The following TSPAN9 variants were observed in gnomAD, a reference collection of about 807,000 sequenced individuals.
The protein encoded by TSPAN9 is tetraspanin-9.
TSPAN9 carries 16 observed loss-of-function variants against 31.0 expected under a neutral mutation model. The ratio of observed to expected loss-of-function variants is 0.52; its 90% CI spans 0.35 to 0.78. The LOEUF (loss-of-function observed/expected upper bound fraction) is 0.78. TSPAN9 is among the 30% of genes least tolerant of loss of function. The pLI, the probability that TSPAN9 is intolerant of heterozygous loss-of-function variation, is 0.01. For synonymous variants in TSPAN9, 145 were observed against 121.6 expected, an observed-to-expected ratio of 1.19 and a Z score of -1.27; for missense variants, 272 against 312.5, an observed-to-expected ratio of 0.87 and a Z score of 0.98.
chr12:3,198,425 CTCACCACCAGCACAGG>C (rs2098368634), intron 2 of TSPAN9, among the ~76,000 whole-genome samples: 1 of 38,658 alleles, frequency 2.6e-5, no homozygotes, highest in Non-Finnish European at 6.3e-5. Flanking sequence ...ACCAGCACAG[CTCACCACCAGCACAGG>C]TCACACCAGC....
chr12:3,111,627 A>C (rs1372047837), intron 2 of TSPAN9, among the ~76,000 whole-genome samples: 1 of 116,570 alleles, frequency 8.6e-6, no homozygotes, highest in African/African-American at 3.3e-5. Context: ...TTTTTTTTTG[A>C]GACAGAGACA....
At chr12:3,116,757 G>A (rs532897465) in intron 2 of TSPAN9, among the ~76,000 whole-genome samples, 2 of 152,292 alleles carry the variant, frequency 1.3e-5, no homozygotes, top group South Asian at 2.1e-4. Flanking sequence ...GGGAGCGCGC[G>A]CCTGCCCTGT....
intron 2 of TSPAN9, among the ~76,000 whole-genome samples, chr12:3,103,057 G>A (rs2098312595): frequency 1.3e-5 from 2 of 152,190 alleles, no homozygotes; most frequent in South Asian, 4.1e-4. Context: ...CTCCCTTGGG[G>A]GATGTCAAGA....
chr12:3,243,779 G>A (rs1418148979), intron 3 of TSPAN9, among the ~76,000 whole-genome samples: 14 of 152,314 alleles, frequency 9.2e-5, no homozygotes, highest in African/African-American at 3.4e-4. Flanking sequence ...CCTCTGATAT[G>A]GGGTGTCAGG....
At chr12:3,255,093 A>G (rs1862320952) in intron 3 of TSPAN9, among the ~76,000 whole-genome samples, 1 of 152,204 alleles carries the variant, frequency 6.6e-6, no homozygotes, top group East Asian at 1.9e-4. Context: ...CCAGAGCCCA[A>G]AATAGCAATG....
Position 3,286,308 on chromosome 12 carries a change from T to C in TSPAN9, c.*3192T>C, listed in dbSNP as rs1863015610. ...ACTGCAGTGAGTCAATAGTCCAGGG[T>C]GGGGCCTGGCCTCCCTGCCCTGATT... On this transcript the variant is annotated 3_prime_UTR_variant, in exon 9 of 9. Transcript: ENST00000011898. This position sits in a 1 kb window ranked among gnomAD's most constrained non-coding sequence, Gnocchi z 4.1. 1 of 152,436 alleles carries C rather than the reference T, an allele frequency of 6.6e-6. No homozygotes were observed. The highest frequency in any genetic ancestry group is 1.5e-5 in the Non-Finnish European group (1 of 68,016). The allele number at this position is 152,436 out of a possible 1,614,324, so 9.4% of individuals were successfully genotyped here. A position where few individuals can be genotyped will look rare whatever the true frequency, so the allele number is the denominator to read the frequency against.
At chr12:3,155,128 C>T (rs964478924) in intron 2 of TSPAN9, among the ~76,000 whole-genome samples, 3 of 152,078 alleles carry the variant, frequency 2.0e-5, no homozygotes, top group Admixed American at 6.5e-5. Flanking sequence ...AAACGTGATG[C>T]GGACCAAATA....
At chr12:3,185,823 T>G (rs558998063) in intron 2 of TSPAN9, among the ~76,000 whole-genome samples, 95 of 152,204 alleles carry the variant, frequency 6.2e-4, no homozygotes, top group African/African-American at 2.2e-3. Context: ...GGGGAATGGA[T>G]GTAGCTGGAG....
In TSPAN9 at chr12:3,183,299, C is replaced by T. The variant is rs192751879; in HGVS notation, c.-17-17878C>T. On this transcript the variant is annotated intron_variant, in intron 2 of 8. Coordinates refer to ENST00000011898, the MANE Select transcript of TSPAN9 (RefSeq NM_006675.5). Reference sequence around the variant, plus strand: ...GGATTTAGGCAGATCTGAGATCTGTCCCCTCTCAAAGTGGGGAGGGGAGAT... The same window carrying T: ...GGATTTAGGCAGATCTGAGATCTGTTCCCTCTCAAAGTGGGGAGGGGAGAT... Among the ~76,000 whole-genome samples, 186 of 152,310 alleles carry T rather than the reference C, an allele frequency of 1.2e-3. 2 individuals carry two copies. Among genetic ancestry groups the T allele is most frequent in the African/African-American group, 4.4e-3 (181 of 41,568 alleles).
rs1565622380 is a variant in TSPAN9 at position 3,226,736 on chromosome 12, GTGTGTGTGTATATATATATATATATATA to G, written c.63+25482_63+25509del. 7.1e-3 allele frequency among the ~76,000 whole-genome samples: 79 copies of G among 11,084 alleles called. 9 individuals are homozygous for G. Among genetic ancestry groups the G allele is most frequent in the East Asian group, 0.028 (7 of 254 alleles). The allele number at this position is 11,084 out of a possible 152,430, so 7.3% of individuals were successfully genotyped here. ...TGTATGTATGTGTGTGTGTGTGTGT[GTGTGTGTGTATATATATATATATATATA>G]TATATATATATATATATATATATAT... On this transcript the variant is annotated intron_variant, in intron 3 of 8. Coordinates refer to ENST00000011898, the MANE Select transcript of TSPAN9 (RefSeq NM_006675.5).
intron 2 of TSPAN9, among the ~76,000 whole-genome samples, chr12:3,176,677 C>G: frequency 6.6e-6 from 1 of 152,238 alleles, no homozygotes; most frequent in African/African-American, 2.4e-5. Flanking sequence ...AGACTCTATT[C>G]TGGGCCCTCG....
At chr12:3,244,218 C>T (rs887317569) in intron 3 of TSPAN9, among the ~76,000 whole-genome samples, 7 of 152,186 alleles carry the variant, frequency 4.6e-5, no homozygotes, top group Non-Finnish European at 8.8e-5. Context: ...GACTCTTGTC[C>T]CCTCCCCAAG....
intron 3 of TSPAN9, among the ~76,000 whole-genome samples, chr12:3,265,404 G>A (rs898642790): frequency 6.6e-6 from 1 of 152,122 alleles, no homozygotes; most frequent in Non-Finnish European, 1.5e-5. Flanking sequence ...ACATGAAAGC[G>A]CCCTCTGGAA....
intron 2 of TSPAN9, among the ~76,000 whole-genome samples, chr12:3,119,016 G>A (rs913593201): frequency 4.7e-5 from 7 of 149,564 alleles, no homozygotes; most frequent in Admixed American, 2.0e-4. Context: ...ATGGAGCTTA[G>A]CACCGCCTTT....
At chr12:3,118,442 G>A (rs551482965) in intron 2 of TSPAN9, among the ~76,000 whole-genome samples, 26 of 151,302 alleles carry the variant, frequency 1.7e-4, no homozygotes, top group African/African-American at 2.4e-4. Flanking sequence ...TTGTATTTTT[G>A]TAGAGACGGG....
At chr12:3,109,211 C>T (rs1413083186) in intron 2 of TSPAN9, among the ~76,000 whole-genome samples, 1 of 150,510 alleles carries the variant, frequency 6.6e-6, no homozygotes, top group East Asian at 2.0e-4. Context: ...GCTGGGATTA[C>T]AGGTGTGAGC....
intron 2 of TSPAN9, among the ~76,000 whole-genome samples, chr12:3,095,698 G>C (rs1329623668): frequency 6.6e-6 from 1 of 151,532 alleles, no homozygotes; most frequent in Non-Finnish European, 1.5e-5. Flanking sequence ...TTCCCAGATG[G>C]GGCGGCGGGG....
At position 3,226,234 on chromosome 12, in the gene TSPAN9, G is replaced by A. The variant is rs150091966; in HGVS notation, c.63+24978G>A. ...GGCAGACATTTTTTATCCTCTAGTT[G>A]CACATAGCGGGAGAAACTCCTTTAA... On this transcript the variant is annotated intron_variant, in intron 3 of 8. Transcript: ENST00000011898. Among the ~76,000 whole-genome samples, 1,341 of 152,224 alleles carry A rather than the reference G, an allele frequency of 8.8e-3. 10 individuals carry two copies. Among genetic ancestry groups the A allele is most frequent in the Non-Finnish European group, 0.011 (765 of 68,018 alleles).
intron 2 of TSPAN9, among the ~76,000 whole-genome samples, chr12:3,133,945 C>T (rs1435057151): frequency 6.6e-6 from 1 of 152,162 alleles, no homozygotes; most frequent in Non-Finnish European, 1.5e-5. Flanking sequence ...GTTATTGAAC[C>T]CCCCTGGGTC....
Sources: allele counts gnomAD v4.1 joint callset (sites outside exome capture counted in the v4.1 genomes callset), GRCh38; gene constraint gnomAD v4.1.1; non-coding constraint Gnocchi (gnomAD v3.1); transcripts MANE v1.5; gene names NCBI Gene and HGNC (gene_info 2026-07-23, HGNC 2026-07-21).